SNAP47: variants seen among roughly 807,000 people sequenced by gnomAD.
The protein encoded by SNAP47 is synaptosomal-associated protein 47.
Under a neutral mutation model 31.4 loss-of-function variants are expected in SNAP47, and 20 were observed. That is an observed-to-expected ratio of 0.64 (90% CI 0.45 to 0.93). SNAP47 has a LOEUF of 0.93. Ranked by LOEUF, SNAP47 falls within the 40% of genes least tolerant of loss-of-function variation. SNAP47 has a pLI of 0.00. For missense variants in SNAP47, 492 were observed against 528.5 expected (o/e 0.93, Z 0.68); for synonymous variants, 194 against 213.4 (o/e 0.91, Z 0.79).
chr1:227,745,890 A>G (rs966871339), intron 1 of SNAP47: 1 of 152,260 alleles, frequency 6.6e-6, no homozygotes, highest in Non-Finnish European at 1.5e-5. Flanking sequence ...TCTGGAAAAC[A>G]GTCTGGGCCA....
upstream of SNAP47, chr1:227,733,175 G>C: frequency 1.0e-6 from 1 of 979,598 alleles, no homozygotes; most frequent in Non-Finnish European, 1.5e-6. Context: ...TGCTCAGCAG[G>C]GAAGTGGGTG....
chr1:227,753,673 G>C (rs1219422476), intron 2 of SNAP47, among the ~76,000 whole-genome samples: 2 of 152,058 alleles, frequency 1.3e-5, no homozygotes, highest in African/African-American at 4.8e-5. Flanking sequence ...CATGGAACAG[G>C]TGTAAACCCA....
At chr1:227,732,246 C>A, upstream of SNAP47, 1 of 932,024 alleles carries the variant, frequency 1.1e-6, no homozygotes, top group Non-Finnish European at 1.6e-6. Flanking sequence ...AAAACAGGCA[C>A]CCAGGCAGTG....
At chr1:227,768,832 G>A (rs570260387) in intron 4 of SNAP47, among the ~76,000 whole-genome samples, 2 of 152,224 alleles carry the variant, frequency 1.3e-5, no homozygotes, top group Non-Finnish European at 2.9e-5. Flanking sequence ...GCCTCGGCAC[G>A]TGGCTGAGAC....
At chr1:227,740,451 G>T (rs1661517040) in intron 1 of SNAP47, among the ~76,000 whole-genome samples, 1 of 152,196 alleles carries the variant, frequency 6.6e-6, no homozygotes, top group African/African-American at 2.4e-5. Context: ...CTGAGATGTT[G>T]TCCAGGTGTG....
At chr1:227,775,076 C>A (rs955194344) in intron 4 of SNAP47, among the ~76,000 whole-genome samples, 1 of 152,192 alleles carries the variant, frequency 6.6e-6, no homozygotes, top group African/African-American at 2.4e-5. Context: ...GGAGGGGGGC[C>A]CTGCATCTGC....
intron 1 of SNAP47, among the ~76,000 whole-genome samples, chr1:227,738,191 A>G (rs183303098): frequency 6.6e-6 from 1 of 152,046 alleles, no homozygotes; most frequent in Non-Finnish European, 1.5e-5. Flanking sequence ...ACAGGCGCGC[A>G]CCACCACGCC....
rs946186540 is a variant in SNAP47 at position 227,778,558 on chromosome 1, G to A, written c.1114-1969G>A. The stretch of plus-strand genomic sequence containing the variant: ...ATGTGGGCACAGGGACAGTGTGAGT[G>A]TGCAGCCCAGCCATCCCTTCCAAGG... On this transcript the variant is annotated intron_variant, in intron 4 of 4. Coordinates refer to ENST00000617596, the MANE Select transcript of SNAP47 (RefSeq NM_053052.4). Among the ~76,000 whole-genome samples, 13 of 152,346 alleles carry A rather than the reference G, an allele frequency of 8.5e-5. 1 individual carries two copies. The highest frequency in any genetic ancestry group is 3.1e-4 in the African/African-American group (13 of 41,584).
chr1:227,769,755 CT>C (rs1221791617), intron 4 of SNAP47, among the ~76,000 whole-genome samples: 1 of 152,166 alleles, frequency 6.6e-6, no homozygotes, highest in African/African-American at 2.4e-5. Context: ...GACAGAGCCC[CT>C]GACTTGCTTC....
At chr1:227,756,660 A>T (rs1024478139) in intron 2 of SNAP47, among the ~76,000 whole-genome samples, 2 of 152,148 alleles carry the variant, frequency 1.3e-5, no homozygotes, top group African/African-American at 4.8e-5. Flanking sequence ...GCCTGTCTGA[A>T]ATGGGGTAGA....
At chr1:227,758,122 C>T (rs1442309235) in intron 2 of SNAP47, among the ~76,000 whole-genome samples, 2 of 152,194 alleles carry the variant, frequency 1.3e-5, no homozygotes, top group African/African-American at 4.8e-5. Context: ...CTGGAGTCTC[C>T]TGCTGCAGAT....
At chr1:227,750,113 A>G (rs1662252227) in intron 2 of SNAP47, among the ~76,000 whole-genome samples, 1 of 152,258 alleles carries the variant, frequency 6.6e-6, no homozygotes, top group African/African-American at 2.4e-5. Flanking sequence ...CACATCTTGT[A>G]CTTGACTAAG....
upstream of SNAP47, chr1:227,734,589 G>A: frequency 1.3e-6 from 2 of 1,549,718 alleles, no homozygotes; most frequent in African/African-American, 1.4e-5. Context: ...TCATCAGAAA[G>A]GCCTCTGGGT....
chr1:227,738,098 A>G (rs1166025972), intron 1 of SNAP47, among the ~76,000 whole-genome samples: 2 of 151,834 alleles, frequency 1.3e-5, no homozygotes, highest in Non-Finnish European at 2.9e-5. Context: ...CTGGAGTGCA[A>G]TGGCATGATC....
chr1:227,765,922 G>A (rs911595942), intron 3 of SNAP47, among the ~76,000 whole-genome samples: 2 of 152,082 alleles, frequency 1.3e-5, no homozygotes, highest in African/African-American at 2.4e-5. Flanking sequence ...TCTTGGAGGT[G>A]GCATCTCTCC....
At chr1:227,779,203 T>C (rs1664321478) in intron 4 of SNAP47, among the ~76,000 whole-genome samples, 1 of 152,230 alleles carries the variant, frequency 6.6e-6, no homozygotes, top group Non-Finnish European at 1.5e-5. Context: ...GCTGGCCCTC[T>C]GTCCTGGCCG....
At chr1:227,751,744 GTTTTTTTTTTTTTTTTTTTTTTT>G (rs540732076) in intron 2 of SNAP47, among the ~76,000 whole-genome samples, 3 of 69,196 alleles carry the variant, frequency 4.3e-5, no homozygotes, top group Admixed American at 2.0e-4. Context: ...TAAAGACTTG[GTTTTTTTTTTTTTTTTTTTTTTT>G]TTTTTTTTTT....
intron 3 of SNAP47, among the ~76,000 whole-genome samples, chr1:227,761,373 A>T (rs1236371794): frequency 6.6e-6 from 1 of 152,246 alleles, no homozygotes; most frequent in Non-Finnish European, 1.5e-5. Context: ...CACCTTAGAT[A>T]TGCAGCACGT....
upstream of SNAP47, chr1:227,732,560 C>T (rs773426028): frequency 8.1e-6 from 13 of 1,613,404 alleles, no homozygotes; most frequent in Admixed American, 5.0e-5. Flanking sequence ...CGAAACCCAA[C>T]CCAGCACCGT....
Sources: allele counts gnomAD v4.1 joint callset (sites outside exome capture counted in the v4.1 genomes callset), GRCh38; gene constraint gnomAD v4.1.1; transcripts MANE v1.5; gene names NCBI Gene and HGNC (gene_info 2026-07-23, HGNC 2026-07-21).